MICAL2: variants seen among roughly 807,000 people sequenced by gnomAD.
MICAL2 encodes [F-actin]-monooxygenase MICAL2.
Under a neutral mutation model 127.3 loss-of-function variants are expected in MICAL2, and 77 were observed. The ratio of observed to expected loss-of-function variants is 0.60; its 90% CI spans 0.50 to 0.73. The LOEUF (loss-of-function observed/expected upper bound fraction) is 0.73. Among genes scored for constraint, MICAL2 ranks in the 30% least tolerant of loss-of-function variants. The pLI is 0.00. For synonymous variants in MICAL2, 570 were observed against 551.1 expected, an observed-to-expected ratio of 1.03 and a Z score of -0.48; for missense variants, 1,351 against 1,434.4, an observed-to-expected ratio of 0.94 and a Z score of 0.94.
chr11:12,357,644 C>G (rs1939148421), intron 34 of MICAL2, among the ~76,000 whole-genome samples: 1 of 152,100 alleles, frequency 6.6e-6, no homozygotes, highest in African/African-American at 2.4e-5. Flanking sequence ...TGAGACCACC[C>G]TGGCCAACAT....
chr11:12,306,493 C>T (rs1396614638), intron 29 of MICAL2, among the ~76,000 whole-genome samples: 1 of 152,096 alleles, frequency 6.6e-6, no homozygotes, highest in East Asian at 1.9e-4. Flanking sequence ...AAAATTTACC[C>T]TTTTAAAATG....
intron 17 of MICAL2, 106 bp from the exon 18 acceptor site, chr11:12,240,934 G>C (rs1019033611): frequency 2.0e-5 from 28 of 1,433,708 alleles, no homozygotes; most frequent in Non-Finnish European, 2.6e-5. Context: ...TGCAACCTTC[G>C]TCTCCCTGCT....
upstream of MICAL2, among the ~76,000 whole-genome samples, chr11:12,271,093 A>T (rs527327957): frequency 6.6e-6 from 1 of 152,124 alleles, no homozygotes; most frequent in Non-Finnish European, 1.5e-5. Flanking sequence ...TGGACCCGGC[A>T]CTTAGGATCT....
chr11:12,195,189 C>T (rs937626709), intron 3 of MICAL2, among the ~76,000 whole-genome samples: 4 of 152,072 alleles, frequency 2.6e-5, no homozygotes, highest in East Asian at 1.9e-4. Context: ...CCCAGGAGTT[C>T]GAGGCTGCAG....
At chr11:12,333,691 G>A (rs1185714122) in intron 32 of MICAL2, among the ~76,000 whole-genome samples, 1 of 152,112 alleles carries the variant, frequency 6.6e-6, no homozygotes, top group Non-Finnish European at 1.5e-5. Flanking sequence ...CTGGATATAA[G>A]CTCAAACTAG....
intron 3 of MICAL2, among the ~76,000 whole-genome samples, chr11:12,162,868 T>A (rs911505186): frequency 6.6e-6 from 1 of 152,192 alleles, no homozygotes; most frequent in Non-Finnish European, 1.5e-5. Context: ...GAGGGCAACC[T>A]TAGTCCATCT....
At chr11:12,257,556 C>T (rs1862488492) in intron 24 of MICAL2, among the ~76,000 whole-genome samples, 1 of 152,140 alleles carries the variant, frequency 6.6e-6, no homozygotes, top group Non-Finnish European at 1.5e-5. Flanking sequence ...TCAATACACA[C>T]CCTCAAATTA....
At chr11:12,235,989 C>A (rs1056962950) in intron 15 of MICAL2, among the ~76,000 whole-genome samples, 188 bp from the exon 16 acceptor site, 1 of 152,190 alleles carries the variant, frequency 6.6e-6, no homozygotes, top group Non-Finnish European at 1.5e-5. Context: ...TGAACAAAAC[C>A]CTGTGACAGC....
chr11:12,228,002 A>G (rs550702301), intron 15 of MICAL2, among the ~76,000 whole-genome samples: 1 of 152,308 alleles, frequency 6.6e-6, no homozygotes, highest in South Asian at 2.1e-4. Context: ...GCATAATGCA[A>G]GTTCTCTTGC....
chr11:12,344,153 G>A (rs780781831), intron 32 of MICAL2, among the ~76,000 whole-genome samples: 5 of 151,848 alleles, frequency 3.3e-5, no homozygotes, highest in South Asian at 2.1e-4. Context: ...AAAATTAGTC[G>A]GGCATGGTGG....
Position 12,208,125 on chromosome 11 carries a change from A to G in MICAL2, c.575A>G (p.Asp192Gly). 1 of 1,611,912 alleles carries G rather than the reference A, an allele frequency of 6.2e-7. No homozygotes were observed. Among genetic ancestry groups the G allele is most frequent in the Non-Finnish European group, 8.5e-7 (1 of 1,177,992 alleles). ...EFVKVLEPPE[D>G]QENQKIGWRA... ...GTGAAGGTTCTAGAGCCTCCTGAAG[A>G]TCAAGAAAATCAAAGTACAGTATAA... Residue 192 changes from aspartate (D) to glycine (G), a missense_variant, in exon 5 of 28, where the codon GAT becomes GGT. Transcript: ENST00000683283.
At chr11:12,261,686 G>C in intron 26 of MICAL2, 1 of 985,398 alleles carries the variant, frequency 1.0e-6, no homozygotes, top group Non-Finnish European at 1.2e-6. Context: ...TCTATGGGGC[G>C]GGAAGAAGGA....
intron 1 of MICAL2, among the ~76,000 whole-genome samples, chr11:12,137,243 C>T (rs1052168813): frequency 2.0e-5 from 3 of 152,042 alleles, no homozygotes; most frequent in African/African-American, 4.8e-5. Flanking sequence ...CCCAGGTGGC[C>T]GCCCTTGGAG....
At chr11:12,123,760 C>G (rs530013914) in intron 1 of MICAL2, among the ~76,000 whole-genome samples, 38 of 152,234 alleles carry the variant, frequency 2.5e-4, no homozygotes, top group African/African-American at 8.9e-4. Context: ...TGTTTCTCTC[C>G]TGCATCTTCT....
chr11:12,288,642 A>G (rs1311955593), downstream of MICAL2, among the ~76,000 whole-genome samples: 1 of 152,212 alleles, frequency 6.6e-6, no homozygotes, highest in Non-Finnish European at 1.5e-5. Context: ...AGTGTCTAGC[A>G]TGGTCTGGCC....
intron 26 of MICAL2, chr11:12,260,382 C>T: frequency 7.8e-7 from 1 of 1,278,236 alleles, no homozygotes; most frequent in Non-Finnish European, 9.9e-7. Context: ...TATGAAGGAT[C>T]TTTTCTATAG....
chr11:12,145,795 A>G (rs992333996), intron 2 of MICAL2, among the ~76,000 whole-genome samples: 3 of 152,224 alleles, frequency 2.0e-5, no homozygotes, highest in African/African-American at 7.2e-5. Context: ...GGTGAGGGAC[A>G]TGGCCAGTTG....
intron 32 of MICAL2, among the ~76,000 whole-genome samples, chr11:12,334,762 A>C (rs936672372): frequency 1.3e-5 from 2 of 151,870 alleles, no homozygotes; most frequent in Non-Finnish European, 2.9e-5. Flanking sequence ...AGCTTTATCC[A>C]TGTCCCTACA....
At chr11:12,336,818 G>C (rs999137017) in intron 32 of MICAL2, among the ~76,000 whole-genome samples, 17 of 152,090 alleles carry the variant, frequency 1.1e-4, no homozygotes, top group African/African-American at 4.1e-4. Flanking sequence ...TGATCATGGT[G>C]GATAAGCTTT....
Sources: gnomAD v4.1 joint callset for allele counts (sites outside exome capture counted in the v4.1 genomes callset) on GRCh38, gnomAD v4.1.1 for gene constraint, MANE v1.5 for transcripts, NCBI Gene and HGNC (gene_info 2026-07-23, HGNC 2026-07-21) for gene names.